Variants in PTPRD observed in about 807,000 individuals in gnomAD.
PTPRD encodes the protein receptor-type tyrosine-protein phosphatase delta.
Under a neutral mutation model 214.5 loss-of-function variants are expected in PTPRD, and 34 were observed. That is an observed-to-expected ratio of 0.16 (90% CI 0.12 to 0.21). PTPRD has a LOEUF of 0.21. Ranked by LOEUF, PTPRD falls within the 10% of genes least tolerant of loss-of-function variation. The pLI, the probability that PTPRD is intolerant of heterozygous loss-of-function variation, is 1.00. For synonymous variants in PTPRD, 1,128 were observed against 845.7 expected (o/e 1.33, Z -5.79); for missense variants, 2,545 against 2,398.7 (o/e 1.06, Z -1.27).
chr9:10,412,522 T>C (rs1565872918), intron 2 of PTPRD, among the ~76,000 whole-genome samples: 1 of 151,678 alleles, frequency 6.6e-6, no homozygotes, highest in African/African-American at 2.4e-5. Flanking sequence ...CTACTGAAAC[T>C]ATTCTTTAAA....
intron 8 of PTPRD, among the ~76,000 whole-genome samples, chr9:9,500,861 G>A (rs1432481695): frequency 6.6e-6 from 1 of 151,852 alleles, no homozygotes; most frequent in Non-Finnish European, 1.5e-5. Context: ...AAAGCACAAC[G>A]GATGATTCTA....
chr9:10,228,764 A>G (rs2099597748), intron 3 of PTPRD, among the ~76,000 whole-genome samples: 1 of 149,328 alleles, frequency 6.7e-6, no homozygotes, highest in African/African-American at 2.4e-5. Flanking sequence ...ATCATTTCAT[A>G]TATGTATAAA....
chr9:9,325,547 C>G (rs908836340), intron 9 of PTPRD, among the ~76,000 whole-genome samples: 4 of 152,072 alleles, frequency 2.6e-5, no homozygotes, highest in East Asian at 1.9e-4. Context: ...GATTTTGTAT[C>G]CTGAGACTTT....
chr9:10,445,214 T>C (rs536292860), intron 2 of PTPRD, among the ~76,000 whole-genome samples: 8 of 152,184 alleles, frequency 5.3e-5, no homozygotes, highest in South Asian at 4.1e-4. Context: ...TGGTATGAGC[T>C]AAGCCCACAA....
rs1288404879 is a variant in PTPRD, at chr9:10,037,652, C to T, written c.-544-3862G>A. Among the ~76,000 whole-genome samples, 3 of 150,042 alleles carry T rather than the reference C, an allele frequency of 2.0e-5. No homozygotes were observed. The East Asian group carries it at 5.9e-4, about 29-fold the overall frequency. ...ACTTTACATTTAAGGGGTGGTTTAA[C>T]CAAGACAAGTTCTCCATGGGAATTG... On this transcript the variant is annotated intron_variant, in intron 3 of 45. Transcript: ENST00000381196.
In PTPRD at chr9:10,514,231, A is replaced by C. The variant is rs74819135; in HGVS notation, c.-600+98167T>G. Among the ~76,000 whole-genome samples, 1,728 of 152,156 alleles carry C rather than the reference A, an allele frequency of 0.011. 89 individuals are homozygous for C. In the East Asian group the frequency reaches 0.13, roughly 12 times the overall value. On this transcript the variant is annotated intron_variant, in intron 2 of 45. Coordinates refer to ENST00000381196, the MANE Select transcript of PTPRD (RefSeq NM_002839.4). ...ATATTTACTTGTTCATTTTTGTACA[A>C]GTATAGATACTTCTAAACTCTGCAT...
intron 9 of PTPRD, among the ~76,000 whole-genome samples, chr9:9,343,612 G>A (rs1490426213): frequency 2.0e-5 from 3 of 152,114 alleles, no homozygotes; most frequent in Admixed American, 1.3e-4. Context: ...TTTGAAGGTA[G>A]CATTGGAGAA....
At chr9:8,531,386 AG>A (rs1209342532) in intron 14 of PTPRD, among the ~76,000 whole-genome samples, 1 of 152,098 alleles carries the variant, frequency 6.6e-6, no homozygotes, top group East Asian at 1.9e-4. Flanking sequence ...GGGGGGAAAA[AG>A]GAGCAGAAAG....
chr9:10,155,120 T>C (rs2099085258), intron 3 of PTPRD, among the ~76,000 whole-genome samples: 1 of 152,086 alleles, frequency 6.6e-6, no homozygotes, highest in Non-Finnish European at 1.5e-5. Context: ...CCCTGATTTC[T>C]TTGAGCAGTG....
intron 7 of PTPRD, among the ~76,000 whole-genome samples, chr9:9,723,289 G>A (rs1361022550): frequency 2.0e-5 from 3 of 151,910 alleles, no homozygotes; most frequent in Non-Finnish European, 2.9e-5. Flanking sequence ...TTCTCCATTG[G>A]GTTATCTTGG....
intron 7 of PTPRD, among the ~76,000 whole-genome samples, chr9:9,641,177 G>T (rs16929976): frequency 7.3e-6 from 1 of 137,422 alleles, no homozygotes; most frequent in African/African-American, 2.5e-5. Context: ...CTTAGCAAAT[G>T]TAGCTCCTTG....
chr9:8,693,641 C>T lies in PTPRD; in HGVS notation c.64+40139G>A, dbSNP rs537262092. ...TGTAAGTGACAGAAGTCTGAGAAATCGCTCTCTGGTTACGAGGAAATGTAG... is the reference window on the plus strand; with the variant it reads ...TGTAAGTGACAGAAGTCTGAGAAATTGCTCTCTGGTTACGAGGAAATGTAG... On this transcript the variant is annotated intron_variant, in intron 12 of 45. Coordinates refer to ENST00000381196, the MANE Select transcript of PTPRD (RefSeq NM_002839.4). 1.6e-4 allele frequency among the ~76,000 whole-genome samples: 24 copies of T among 152,286 alleles called. No homozygotes were observed. In the South Asian group the frequency reaches 4.4e-3, roughly 28 times the overall value.
chr9:9,718,088 A>G (rs762149649), intron 7 of PTPRD, among the ~76,000 whole-genome samples: 8 of 152,328 alleles, frequency 5.3e-5, no homozygotes, highest in Non-Finnish European at 1.2e-4. Flanking sequence ...TTTTCAGAAA[A>G]TAGTATATAT....
At chr9:8,634,913 T>C (rs2096380584) in intron 13 of PTPRD, among the ~76,000 whole-genome samples, 1 of 151,592 alleles carries the variant, frequency 6.6e-6, no homozygotes, top group Non-Finnish European at 1.5e-5. Context: ...TTTGAAAATA[T>C]CCAGTATTGA....
chr9:8,574,884 T>C (rs1381401564), intron 14 of PTPRD, among the ~76,000 whole-genome samples: 3 of 151,816 alleles, frequency 2.0e-5, no homozygotes, highest in East Asian at 1.9e-4. Context: ...TAAAAATAAA[T>C]TTAAAAAGGA....
chr9:10,426,678 A>T (rs2098622060), intron 2 of PTPRD, among the ~76,000 whole-genome samples: 1 of 152,080 alleles, frequency 6.6e-6, no homozygotes, highest in South Asian at 2.1e-4. Context: ...AGTAAGGGCC[A>T]ACTTCTCGGA....
At chr9:10,170,518 T>C (rs1441692880) in intron 3 of PTPRD, among the ~76,000 whole-genome samples, 1 of 151,976 alleles carries the variant, frequency 6.6e-6, no homozygotes, top group Non-Finnish European at 1.5e-5. Context: ...AAACCCCGTC[T>C]CTACTAAAAA....
In PTPRD at chr9:8,733,936, A is replaced by G; in HGVS notation, c.-93T>C. 7.8e-7 allele frequency: 1 copy of G among 1,281,362 alleles called. No individual in the cohort carries two copies. The highest frequency in any genetic ancestry group is 1.5e-5 in the African/African-American group (1 of 68,182). 79.4% of individuals were successfully genotyped at this position (1,281,362 alleles called of 1,614,324 possible). A position where few individuals can be genotyped will look rare whatever the true frequency, so the allele number is the denominator to read the frequency against. On this transcript the variant is annotated 5_prime_UTR_variant, in exon 12 of 46. Transcript: ENST00000381196. ...TCCGATCTGAAATTTCAGCTGGAAC[A>G]CTTTCAGAGCCTGAAAGCGGGGAGG...
chr9:10,387,250 T>A (rs2097933477), intron 2 of PTPRD, among the ~76,000 whole-genome samples: 1 of 151,872 alleles, frequency 6.6e-6, no homozygotes, highest in African/African-American at 2.4e-5. Context: ...AACACAGTCG[T>A]TTAACAATTT....
Sources: allele counts gnomAD v4.1 joint callset (sites outside exome capture counted in the v4.1 genomes callset), GRCh38; gene constraint gnomAD v4.1.1; transcripts MANE v1.5; gene names NCBI Gene and HGNC (gene_info 2026-07-23, HGNC 2026-07-21).